Variants in IL15 observed in about 807,000 individuals in gnomAD.
The protein encoded by IL15 is interleukin 15, also known as interleukin-15.
In IL15, 11 loss-of-function variants were observed where a neutral mutation model predicts 19.6. The observed-to-expected ratio is 0.56, with a 90% CI of 0.35 to 0.93. The LOEUF (loss-of-function observed/expected upper bound fraction) is 0.93. IL15 is among the 40% of genes least tolerant of loss of function. The probability of loss-of-function intolerance (pLI) is 0.01; values close to 1 mark genes in which losing one functional copy is unlikely to be tolerated. For synonymous variants in IL15, 58 were observed against 59.6 expected (o/e 0.97, Z 0.12); for missense variants, 197 against 186.5 (o/e 1.06, Z -0.33).
intron 2 of IL15, among the ~76,000 whole-genome samples, chr4:141,699,412 C>A (rs771246759): frequency 6.6e-6 from 1 of 152,058 alleles, no homozygotes; most frequent in Non-Finnish European, 1.5e-5. Context: ...ATCGACCTAG[C>A]GCTGTCAGAG....
At chr4:141,732,538 C>T (rs912109985) in intron 7 of IL15, among the ~76,000 whole-genome samples, 200 bp from the exon 8 acceptor site, 1 of 152,188 alleles carries the variant, frequency 6.6e-6, no homozygotes, top group Non-Finnish European at 1.5e-5. Flanking sequence ...GTCCTTAACC[C>T]ATTATTGGAA....
At chr4:141,711,279 T>C (rs575013527) in intron 2 of IL15, among the ~76,000 whole-genome samples, 1 of 152,182 alleles carries the variant, frequency 6.6e-6, no homozygotes. Flanking sequence ...GAAATTATAC[T>C]GGCATGGTTT....
At chr4:141,640,384 T>C (rs1410378288) in intron 1 of IL15, among the ~76,000 whole-genome samples, 1 of 152,132 alleles carries the variant, frequency 6.6e-6, no homozygotes, top group African/African-American at 2.4e-5. Flanking sequence ...CCACTGAGAT[T>C]TATCTTGATT....
At chr4:141,695,331 T>C (rs1729058190) in intron 2 of IL15, among the ~76,000 whole-genome samples, 1 of 144,704 alleles carries the variant, frequency 6.9e-6, no homozygotes, top group African/African-American at 2.6e-5. Flanking sequence ...GATTATGTAG[T>C]ACTTGTCTTT....
intron 2 of IL15, among the ~76,000 whole-genome samples, chr4:141,673,763 C>T (rs1298176827): frequency 1.3e-5 from 2 of 152,208 alleles, no homozygotes; most frequent in South Asian, 2.1e-4. Flanking sequence ...TTCATTCTGA[C>T]AGCAGTAGCA....
intron 1 of IL15, among the ~76,000 whole-genome samples, chr4:141,640,317 A>G (rs987247226): frequency 6.6e-6 from 1 of 152,180 alleles, no homozygotes; most frequent in Non-Finnish European, 1.5e-5. Flanking sequence ...AAGAAAAAAA[A>G]AAAAAGACAT....
intron 1 of IL15, among the ~76,000 whole-genome samples, chr4:141,641,060 G>A (rs1340285907): frequency 1.3e-5 from 2 of 152,134 alleles, no homozygotes; most frequent in Non-Finnish European, 2.9e-5. Context: ...TGGGTATTTT[G>A]CTTATGTGCC....
chr4:141,686,126 C>T (rs1489716487), intron 2 of IL15, among the ~76,000 whole-genome samples: 2 of 151,876 alleles, frequency 1.3e-5, no homozygotes, highest in East Asian at 3.9e-4. Flanking sequence ...GAAACCCCGT[C>T]TCTGCTAAAA....
At chr4:141,710,395 A>C (rs985207500) in intron 2 of IL15, among the ~76,000 whole-genome samples, 2 of 151,996 alleles carry the variant, frequency 1.3e-5, no homozygotes, top group Non-Finnish European at 1.5e-5. Flanking sequence ...CTTTTTCTCT[A>C]TTCTTGTTAC....
At chr4:141,694,758 T>C (rs920094360) in intron 2 of IL15, among the ~76,000 whole-genome samples, 9 of 152,122 alleles carry the variant, frequency 5.9e-5, no homozygotes, top group African/African-American at 1.4e-4. Context: ...CTTGATAAAA[T>C]TGGATATCTA....
chr4:141,696,737 T>G (rs1729108237), intron 2 of IL15, among the ~76,000 whole-genome samples: 1 of 152,150 alleles, frequency 6.6e-6, no homozygotes, highest in African/African-American at 2.4e-5. Context: ...CATTGTGGTT[T>G]TAATTTGCAT....
chr4:141,696,608 AG>A (rs1729104691), intron 2 of IL15, among the ~76,000 whole-genome samples: 1 of 151,994 alleles, frequency 6.6e-6, no homozygotes, highest in African/African-American at 2.4e-5. Flanking sequence ...CGTTCAGAAA[AG>A]GTTTATAGGT....
chr4:141,676,679 C>G (rs1010217033), intron 2 of IL15, among the ~76,000 whole-genome samples: 1 of 151,958 alleles, frequency 6.6e-6, no homozygotes, highest in Admixed American at 6.6e-5. Context: ...CAATAAATTC[C>G]TACTGGAGAA....
At chr4:141,729,784 T>C (rs1205737382) in intron 6 of IL15, 63 bp from the exon 7 acceptor site, 18 of 891,720 alleles carry the variant, frequency 2.0e-5, no homozygotes, top group Non-Finnish European at 3.2e-5. Context: ...AAATCAAAAT[T>C]ACATCAGTAT....
At chr4:141,637,747 TGGTCACCA>T (rs1258625785) in intron 1 of IL15, among the ~76,000 whole-genome samples, 2 of 152,188 alleles carry the variant, frequency 1.3e-5, no homozygotes, top group Non-Finnish European at 2.9e-5. Context: ...AGTAAAGTGG[TGGTCACCA>T]GCTAGTTTCC....
intron 5 of IL15, among the ~76,000 whole-genome samples, chr4:141,722,823 A>G (rs1371822207): frequency 1.3e-5 from 2 of 152,214 alleles, no homozygotes; most frequent in African/African-American, 2.4e-5. Context: ...TAACAAAGAA[A>G]TAGAAGATAT....
intron 2 of IL15, among the ~76,000 whole-genome samples, chr4:141,677,543 G>A (rs192346300): frequency 6.6e-6 from 1 of 152,118 alleles, no homozygotes; most frequent in East Asian, 1.9e-4. Context: ...CCCAGCCCGA[G>A]TTGTTCAAGG....
intron 2 of IL15, among the ~76,000 whole-genome samples, chr4:141,658,584 T>C (rs1727683434): frequency 6.6e-6 from 1 of 151,976 alleles, no homozygotes; most frequent in African/African-American, 2.4e-5. Context: ...TCAGTTATAA[T>C]TTCTAATTAA....
intron 1 of IL15, among the ~76,000 whole-genome samples, chr4:141,640,789 G>A (rs985540440): frequency 2.0e-5 from 3 of 152,216 alleles, no homozygotes; most frequent in Non-Finnish European, 2.9e-5. Context: ...AAGTCTGCAT[G>A]TAATACACAG....
Sources: gnomAD v4.1 joint callset for allele counts (sites outside exome capture counted in the v4.1 genomes callset) on GRCh38, gnomAD v4.1.1 for gene constraint, MANE v1.5 for transcripts, NCBI Gene and HGNC (gene_info 2026-07-23, HGNC 2026-07-21) for gene names.